ITGA5: variants seen among roughly 807,000 people sequenced by gnomAD.
ITGA5 encodes integrin subunit alpha 5.
Under a neutral mutation model 146.3 loss-of-function variants are expected in ITGA5, and 55 were observed. The ratio of observed to expected loss-of-function variants is 0.38; its 90% CI spans 0.30 to 0.47. ITGA5 has a LOEUF of 0.47. ITGA5 is among the 20% of genes least tolerant of loss of function. The pLI, the probability that ITGA5 is intolerant of heterozygous loss-of-function variation, is 0.99. For synonymous variants in ITGA5, 500 were observed against 531.8 expected (o/e 0.94, Z 0.82); for missense variants, 1,131 against 1,329.0 (o/e 0.85, Z 2.32).
rs1376684557 is a variant in ITGA5, at chr12:54,400,889, A to G, written c.2600T>C (p.Leu867Pro). Reference sequence around the variant, plus strand: ...AATGGGGTGATTGGTGGTGCAGTTGAGTCCCGTAACTCTGGTCACATATAG... The same window carrying G: ...AATGGGGTGATTGGTGGTGCAGTTGGGTCCCGTAACTCTGGTCACATATAG... ...QLLYVTRVTGLNCTTNHPINP... is the reference protein window; with the variant it reads ...QLLYVTRVTGPNCTTNHPINP... The change falls in exon 25 of 30, where the codon CTC becomes CCC. Residue 867 changes from leucine (L) to proline (P), a missense_variant. By Grantham distance (98) the Leu-to-Pro change is moderately conservative. This residue lies in a region of ITGA5 where 889 missense variants were observed against 1,021.5 expected (regional missense o/e 0.87). Transcript: ENST00000293379. 1 of 1,613,964 alleles carries G rather than the reference A, an allele frequency of 6.2e-7. No individual in the cohort carries two copies. The highest frequency in any genetic ancestry group is 8.5e-7 in the Non-Finnish European group (1 of 1,180,000).
chr12:54,411,262 C>G (rs1955940711), intron 2 of ITGA5, among the ~76,000 whole-genome samples: 1 of 152,234 alleles, frequency 6.6e-6, no homozygotes, highest in South Asian at 2.1e-4. Flanking sequence ...CCCTCTGTCT[C>G]CTCACTTAGA....
At chr12:54,406,239 T>G in intron 9 of ITGA5, 1 of 440,892 alleles carries the variant, frequency 2.3e-6, no homozygotes, top group Non-Finnish European at 4.2e-6. Context: ...GTTCTTTGCT[T>G]TCTCCTCAGA....
chr12:54,396,036 C>T lies in ITGA5; in HGVS notation c.*257G>A. The T allele has an allele frequency of 2.4e-6, 1 of 416,500 alleles. No individual in the cohort carries two copies. The highest frequency in any genetic ancestry group is 4.4e-6 in the Non-Finnish European group (1 of 229,158). The allele number at this position is 416,500 out of a possible 1,614,324, so 25.8% of individuals were successfully genotyped here. A position where few individuals can be genotyped will look rare whatever the true frequency, so the allele number is the denominator to read the frequency against. On this transcript the variant is annotated 3_prime_UTR_variant, in exon 30 of 30. Coordinates refer to ENST00000293379, the MANE Select transcript of ITGA5 (RefSeq NM_002205.5). Reference sequence around the variant, plus strand: ...TGCAAAGGCTTCAGGGAGGCTGGGGCCTCTGTCCCTGGATCTGAGTTCCCC... The same window carrying T: ...TGCAAAGGCTTCAGGGAGGCTGGGGTCTCTGTCCCTGGATCTGAGTTCCCC...
rs550770250 is a variant in ITGA5, at chr12:54,403,317, G to A, written c.1784C>T (p.Ser595Leu). The A allele has an allele frequency of 1.3e-6, 2 of 1,527,926 alleles. No homozygotes were observed. Among genetic ancestry groups the A allele is most frequent in the Non-Finnish European group, 1.8e-6 (2 of 1,139,614 alleles). 94.6% of individuals were successfully genotyped at this position (1,527,926 alleles called of 1,614,324 possible). The change falls in exon 18 of 30, where the codon TCA (serine) becomes TTA (leucine). Residue 595 changes from serine to leucine, a missense_variant. Ser to Leu is a moderately radical substitution (Grantham distance 145). Transcript: ENST00000293379. This position sits in a 1 kb window ranked among gnomAD's most constrained non-coding sequence, Gnocchi z 4.9. ...REMKIYLRNE[S>L]EFRDKLSPIH... Reference sequence around the variant, plus strand: ...CGGCGAGAGTTTGTCTCGAAATTCTGACTCGTTCTGGGGCCAGAGGAGAGA... The same window carrying A: ...CGGCGAGAGTTTGTCTCGAAATTCTAACTCGTTCTGGGGCCAGAGGAGAGA...
Position 54,403,160 on chromosome 12 carries a change from G to C in ITGA5, c.1914+27C>G, listed in dbSNP as rs754076728. The C allele has an allele frequency of 1.3e-6, 2 of 1,578,954 alleles. No individual in the cohort carries two copies. Among genetic ancestry groups the C allele is most frequent in the African/African-American group, 1.4e-5 (1 of 73,526 alleles). On this transcript the variant is annotated intron_variant, in intron 18 of 29. Transcript: ENST00000293379. The surrounding 1 kb of genome is among the most constrained non-coding windows in gnomAD (Gnocchi z 4.9). Reference sequence around the variant, plus strand: ...CAATACCCAGGCCTCTGTCTTCCCAGGTCCCTTCTCCCTGCCCTGTCCTCA... The same window carrying C: ...CAATACCCAGGCCTCTGTCTTCCCACGTCCCTTCTCCCTGCCCTGTCCTCA...
chr12:54,399,765 A>G lies in ITGA5; in HGVS notation c.2728-7T>C, dbSNP rs200141012. ...ACTCAGCCTCCGGGCATTTCTAGGA[A>G]GAAAGAAGCTTGAACCTGGTGTTCT... On this transcript the variant is annotated splice_region_variant and splice_polypyrimidine_tract_variant and intron_variant, in intron 26 of 29. Transcript: ENST00000293379. 483 of 1,613,990 alleles carry G rather than the reference A, an allele frequency of 3.0e-4. 2 individuals carry two copies. The Middle Eastern group carries it at 6.3e-3, about 21-fold the overall frequency.
chr12:54,400,742 A>C (rs1955774735), intron 25 of ITGA5, 104 bp downstream of exon 25: 1 of 1,167,174 alleles, frequency 8.6e-7, no homozygotes, highest in Non-Finnish European at 1.2e-6. Context: ...AGCTATAGGC[A>C]CATCCTCATT....
Position 54,401,077 on chromosome 12 carries a change from C to T in ITGA5, c.2494-82G>A. The T allele has an allele frequency of 7.3e-7, 1 of 1,369,198 alleles. No individual in the cohort carries two copies. Among genetic ancestry groups the T allele is most frequent in the Non-Finnish European group, 1.0e-6 (1 of 989,694 alleles). 84.8% of individuals were successfully genotyped at this position (1,369,198 alleles called of 1,614,324 possible). A position where few individuals can be genotyped will look rare whatever the true frequency, so the allele number is the denominator to read the frequency against. On this transcript the variant is annotated intron_variant, in intron 24 of 29. Transcript: ENST00000293379. This position sits in a 1 kb window ranked among gnomAD's most constrained non-coding sequence, Gnocchi z 5.0. ...GAGACCCTGGATCACCATGGCTCCA[C>T]TATACCCTGCTGTCAGGCTCCTATC... is the stretch of plus-strand genomic sequence containing the variant.
In ITGA5 at chr12:54,403,235, G is replaced by A. The variant is rs1955812544; in HGVS notation, c.1866C>T (p.Gly622=). 6.4e-7 allele frequency: 1 copy of A among 1,568,472 alleles called. No homozygotes were observed. Among genetic ancestry groups the A allele is most frequent in the Non-Finnish European group, 8.6e-7 (1 of 1,159,900 alleles). The change falls in exon 18 of 30, where the codon GGC becomes GGT. Residue 622 remains glycine (G), a synonymous_variant. Transcript: ENST00000293379. This position sits in a 1 kb window ranked among gnomAD's most constrained non-coding sequence, Gnocchi z 4.9. ...TCTGATAATGTAGGGCTGGCCTGAG[G>A]CCGTGGCTGTCCACTGGGGCTTGGG... ...LDPQAPVDSH[G]LRPALHYQSK... is the part of the protein sequence containing the mutation.
intron 19 of ITGA5, 143 bp downstream of exon 19, chr12:54,402,840 T>C: frequency 1.6e-6 from 1 of 643,466 alleles, no homozygotes. Flanking sequence ...TAAATGCTAC[T>C]ATTCCCACTA....
chr12:54,404,601 G>T (rs1248311248), intron 13 of ITGA5, 102 bp downstream of exon 13: 7 of 1,478,422 alleles, frequency 4.7e-6, no homozygotes, highest in South Asian at 4.5e-5. Context: ...GTTGGAATTA[G>T]CCAGAACTGC....
chr12:54,418,431 G>A (rs897660554), intron 1 of ITGA5, among the ~76,000 whole-genome samples: 2 of 152,108 alleles, frequency 1.3e-5, no homozygotes, highest in South Asian at 2.1e-4. Context: ...CTGAGTTGAG[G>A]GGGGAGGGGA....
chr12:54,409,645 G>A lies in ITGA5; in HGVS notation c.350-48C>T. 1 of 1,325,254 alleles carries A rather than the reference G, an allele frequency of 7.5e-7. No individual in the cohort carries two copies. Among genetic ancestry groups the A allele is most frequent in the Non-Finnish European group, 1.1e-6 (1 of 937,386 alleles). 82.1% of individuals were successfully genotyped at this position (1,325,254 alleles called of 1,614,324 possible). ...GTCTTACTGAGCCATGGACATTTGA[G>A]CTCTAGGGCAGCCCCTACCCTCAGC... On this transcript the variant is annotated intron_variant, in intron 2 of 29. Transcript: ENST00000293379. This position sits in a 1 kb window ranked among gnomAD's most constrained non-coding sequence, Gnocchi z 4.7.
At chr12:54,398,064 ATTTTTGTATTTTTTG>A (rs2120461832) in intron 28 of ITGA5, among the ~76,000 whole-genome samples, 1 of 152,096 alleles carries the variant, frequency 6.6e-6, no homozygotes, top group Non-Finnish European at 1.5e-5. Context: ...CATCTGGCTA[ATTTTTGTATTTTTTG>A]TAGAGACAGG....
At chr12:54,408,644 T>G (rs1955898834) in intron 6 of ITGA5, 112 bp downstream of exon 6, 1 of 977,152 alleles carries the variant, frequency 1.0e-6, no homozygotes, top group African/African-American at 1.7e-5. Flanking sequence ...GAGAATCGCT[T>G]GAACCTGGGC....
rs1364640086 is a variant in ITGA5, at chr12:54,403,438, T to C, written c.1777-114A>G. 2.2e-6 allele frequency: 3 copies of C among 1,360,230 alleles called. No individual in the cohort carries two copies. In the African/African-American group the frequency reaches 4.4e-5, roughly 20 times the overall value. The allele number at this position is 1,360,230 out of a possible 1,614,324, so 84.3% of individuals were successfully genotyped here. On this transcript the variant is annotated intron_variant, in intron 17 of 29. Coordinates refer to ENST00000293379, the MANE Select transcript of ITGA5 (RefSeq NM_002205.5). The surrounding 1 kb of genome is among the most constrained non-coding windows in gnomAD (Gnocchi z 4.9). ...GCTTAGGGCCCAATTCCGACCATCC[T>C]CATTGTTTCAGAGGCCCTGGCAGCC...
In ITGA5 at chr12:54,419,203, C is replaced by T. The variant is rs1399428409; in HGVS notation, c.-5G>A. On this transcript the variant is annotated 5_prime_UTR_variant, in exon 1 of 30. Transcript: ENST00000293379. ...CTCTGGCGTCCGGCTCCCCATAGCG[C>T]CCGCTCTTCCCTGTCCTGGGGCCAC... 6.4e-7 allele frequency: 1 copy of T among 1,553,976 alleles called. No individual in the cohort carries two copies. Among genetic ancestry groups the T allele is most frequent in the African/African-American group, 1.4e-5 (1 of 73,184 alleles).
At position 54,405,329 on chromosome 12, in the gene ITGA5, G is replaced by C; in HGVS notation, c.1062C>G (p.Thr354=). 1.2e-6 allele frequency: 2 copies of C among 1,612,374 alleles called. No individual in the cohort carries two copies. The highest frequency in any genetic ancestry group is 1.7e-6 in the Non-Finnish European group (2 of 1,179,732). Residue 354 remains threonine (T), a synonymous_variant, in exon 12 of 30, where the codon ACC becomes ACG. Coordinates refer to ENST00000293379, the MANE Select transcript of ITGA5 (RefSeq NM_002205.5). ...LVGAPLLMDR[T]PDGRPQEVGR... ...CCACCTCCTGAGGCCGCCCGTCAGG[G>C]GTCCGATCCATGAGCAGGGGTGCCC...
intron 9 of ITGA5, 56 bp downstream of exon 9, chr12:54,407,593 G>A: frequency 6.8e-7 from 1 of 1,467,716 alleles, no homozygotes; most frequent in Non-Finnish European, 9.6e-7. Flanking sequence ...GCCATGCACG[G>A]TTCTTTGTGA....
Sources: allele counts gnomAD v4.1 joint callset (sites outside exome capture counted in the v4.1 genomes callset), GRCh38; gene constraint gnomAD v4.1.1; regional missense constraint gnomAD v4.1.1; non-coding constraint Gnocchi (gnomAD v3.1); transcripts MANE v1.5; gene names NCBI Gene and HGNC (gene_info 2026-07-23, HGNC 2026-07-21).